SCRN1: variants seen among roughly 807,000 people sequenced by gnomAD.
SCRN1 encodes the protein secernin 1, also known as secernin-1.
SCRN1 carries 19 observed loss-of-function variants against 43.3 expected under a neutral mutation model. The ratio of observed to expected loss-of-function variants is 0.44; its 90% CI spans 0.31 to 0.64. The LOEUF (loss-of-function observed/expected upper bound fraction) is 0.64, where lower values mean the gene tolerates loss of function less well. Ranked by LOEUF, SCRN1 falls within the 30% of genes least tolerant of loss-of-function variation. SCRN1 has a pLI of 0.09. For synonymous variants in SCRN1, 183 were observed against 188.9 expected (o/e 0.97, Z 0.26); for missense variants, 447 against 524.1 (o/e 0.85, Z 1.44).
At chr7:29,964,376 C>T (rs889972188) in intron 2 of SCRN1, among the ~76,000 whole-genome samples, 40 of 152,104 alleles carry the variant, frequency 2.6e-4, no homozygotes, top group African/African-American at 7.7e-4. Flanking sequence ...CAGGAAGAAA[C>T]CTTAAATGCA....
At chr7:29,943,645 C>T (rs564222287) in intron 4 of SCRN1, among the ~76,000 whole-genome samples, 2 of 152,140 alleles carry the variant, frequency 1.3e-5, no homozygotes, top group Non-Finnish European at 2.9e-5. Flanking sequence ...ACTTGTTGAC[C>T]TATTACACAA....
chr7:29,961,549 A>G (rs945979128), intron 2 of SCRN1, among the ~76,000 whole-genome samples: 2 of 150,342 alleles, frequency 1.3e-5, no homozygotes, highest in Non-Finnish European at 3.0e-5. Context: ...CAAAGCCGCC[A>G]TTGTCATCCT....
At chr7:29,954,354 A>G (rs1788058897) in intron 3 of SCRN1, among the ~76,000 whole-genome samples, 1 of 152,002 alleles carries the variant, frequency 6.6e-6, no homozygotes, top group South Asian at 2.1e-4. Flanking sequence ...ATATATTTCA[A>G]GTACTATAAA....
chr7:29,925,219 C>T (rs984388542), intron 7 of SCRN1, among the ~76,000 whole-genome samples: 1 of 152,206 alleles, frequency 6.6e-6, no homozygotes, highest in Admixed American at 6.5e-5. Context: ...TGTAAAATAA[C>T]TGTGCGACCT....
intron 2 of SCRN1, among the ~76,000 whole-genome samples, chr7:29,961,547 C>T (rs1446347921): frequency 6.6e-6 from 1 of 150,994 alleles, no homozygotes; most frequent in East Asian, 2.0e-4. Context: ...CACAAAGCCG[C>T]CATTGTCATC....
At chr7:29,959,355 C>G (rs1199491587) in intron 2 of SCRN1, among the ~76,000 whole-genome samples, 3 of 152,160 alleles carry the variant, frequency 2.0e-5, no homozygotes, top group Non-Finnish European at 4.4e-5. Flanking sequence ...AACTTTGTAG[C>G]TCTAAAGAAG....
At position 29,920,329 on chromosome 7, in the gene SCRN1, A is replaced by T. The variant is rs991710461; in HGVS notation, c.*3628T>A. 1 of 152,246 alleles carries T rather than the reference A, an allele frequency of 6.6e-6. No homozygotes were observed. The highest frequency in any genetic ancestry group is 1.5e-5 in the Non-Finnish European group (1 of 68,034). The allele number at this position is 152,246 out of a possible 1,614,324, so 9.4% of individuals were successfully genotyped here. On this transcript the variant is annotated 3_prime_UTR_variant, in exon 8 of 8. Transcript: ENST00000242059. ...TCTAACACATTTAAATTCTCACAGC[A>T]TAATTGCAAACATGTACATATTGGT...
rs778949653 is a variant in SCRN1, at chr7:29,940,712, C to T, written c.709G>A (p.Ala237Thr). 7 of 1,605,040 alleles carry T rather than the reference C, an allele frequency of 4.4e-6. 1 individual carries two copies. In the South Asian group the frequency reaches 7.8e-5, roughly 18 times the overall value. Residue 237 changes from alanine to threonine, a missense_variant, in exon 5 of 8, where the codon GCT becomes ACT. Ala to Thr is a moderately conservative substitution (Grantham distance 58). Transcript: ENST00000242059. ...SPVEDHLDCG[A>T]GKDSLEKQEE... ...TGTTTTTCTAAGCTGTCTTTGCCAG[C>T]ACCGCAGTCTAGATGATCCTCAACT...
At chr7:29,978,488 C>T (rs1449772859) in intron 1 of SCRN1, among the ~76,000 whole-genome samples, 3 of 152,034 alleles carry the variant, frequency 2.0e-5, no homozygotes, top group Non-Finnish European at 4.4e-5. Flanking sequence ...TCACTGATAC[C>T]GCCTGCCTAG....
At chr7:29,954,473 A>C (rs1290297951) in intron 3 of SCRN1, among the ~76,000 whole-genome samples, 1 of 152,172 alleles carries the variant, frequency 6.6e-6, no homozygotes, top group African/African-American at 2.4e-5. Context: ...CGCAAAAGAA[A>C]GCTCATGCCC....
At chr7:29,935,907 TAGAG>T (rs1247620117) in intron 6 of SCRN1, among the ~76,000 whole-genome samples, 1 of 152,178 alleles carries the variant, frequency 6.6e-6, no homozygotes, top group Admixed American at 6.5e-5. Context: ...AACTGAAGCT[TAGAG>T]AGGTGAAATA....
intron 7 of SCRN1, among the ~76,000 whole-genome samples, chr7:29,925,185 T>C (rs144141710): frequency 1.3e-3 from 198 of 152,200 alleles, no homozygotes; most frequent in African/African-American, 4.7e-3. Context: ...CTGCCAGCCT[T>C]TTTAGGCTGG....
chr7:29,968,113 T>C (rs889354615), intron 2 of SCRN1, among the ~76,000 whole-genome samples: 1 of 152,244 alleles, frequency 6.6e-6, no homozygotes, highest in African/African-American at 2.4e-5. Flanking sequence ...AATTAATGGA[T>C]AATGTTTTAT....
Position 29,989,709 on chromosome 7 carries a change from G to C in SCRN1, c.-69C>G, listed in dbSNP as rs1029491327. 4.1e-6 allele frequency: 4 copies of C among 985,810 alleles called. No individual in the cohort carries two copies. The Admixed American group carries it at 2.5e-4, about 61-fold the overall frequency. The allele number at this position is 985,810 out of a possible 1,614,324, so 61.1% of individuals were successfully genotyped here. A position where few individuals can be genotyped will look rare whatever the true frequency, so the allele number is the denominator to read the frequency against. On this transcript the variant is annotated 5_prime_UTR_variant, in exon 1 of 8. Coordinates refer to ENST00000242059, the MANE Select transcript of SCRN1 (RefSeq NM_014766.5). ...CTGAGGCTGCGGCCGCCGAGGGTGC[G>C]GGTGCTGCCGGGTCCGGATTACTGC...
At chr7:29,944,270 G>A (rs1787656829) in intron 3 of SCRN1, 91 bp from the exon 4 acceptor site, 2 of 1,098,042 alleles carry the variant, frequency 1.8e-6, no homozygotes, top group Non-Finnish European at 2.7e-6. Context: ...GCCGAGTTAT[G>A]AAGCATGCCA....
intron 4 of SCRN1, among the ~76,000 whole-genome samples, chr7:29,941,211 C>T (rs1194561743): frequency 6.6e-6 from 1 of 152,206 alleles, no homozygotes; most frequent in Non-Finnish European, 1.5e-5. Context: ...AAAAAAGGGA[C>T]AGGTCCTTTG....
At chr7:29,936,107 C>G (rs1028339469) in intron 6 of SCRN1, among the ~76,000 whole-genome samples, 1 of 152,150 alleles carries the variant, frequency 6.6e-6, no homozygotes, top group Non-Finnish European at 1.5e-5. Flanking sequence ...ATCTGTATTG[C>G]CTCCGAACTG....
upstream of SCRN1, chr7:29,990,197 G>T (rs1431417359): frequency 6.4e-7 from 1 of 1,551,638 alleles, no homozygotes. Context: ...TGACTCGCAC[G>T]TCCAAGTCGA....
In SCRN1 at chr7:29,965,549, G is replaced by A. The variant is rs1788459887; in HGVS notation, c.159+3360C>T. Among the ~76,000 whole-genome samples, 2 of 152,160 alleles carry A rather than the reference G, an allele frequency of 1.3e-5. No individual in the cohort carries two copies. Among genetic ancestry groups the A allele is most frequent in the Non-Finnish European group, 2.9e-5 (2 of 68,036 alleles). ...AAACTACGTGGCCGACAATGCATAT[G>A]TTGTTACAGCAACATATATGAGCTG... is the stretch of plus-strand genomic sequence containing the variant. On this transcript the variant is annotated intron_variant, in intron 2 of 7. Transcript: ENST00000242059. The surrounding 1 kb of genome is among the most constrained non-coding windows in gnomAD (Gnocchi z 4.2).
Sources: gnomAD v4.1 joint callset for allele counts (sites outside exome capture counted in the v4.1 genomes callset) on GRCh38, gnomAD v4.1.1 for gene constraint, Gnocchi (gnomAD v3.1) non-coding constraint, MANE v1.5 for transcripts, NCBI Gene and HGNC (gene_info 2026-07-23, HGNC 2026-07-21) for gene names.